Variants in UBL7 observed in about 807,000 individuals in gnomAD.
The protein encoded by UBL7 is ubiquitin like 7, also known as ubiquitin-like protein 7.
In UBL7, 21 loss-of-function variants were observed where a neutral mutation model predicts 41.7. The observed-to-expected ratio is 0.50, with a 90% CI of 0.36 to 0.73. The LOEUF is 0.73. UBL7 is among the 30% of genes least tolerant of loss of function. The pLI, the probability that UBL7 is intolerant of heterozygous loss-of-function variation, is 0.00. For missense variants in UBL7, 403 were observed against 478.4 expected, an observed-to-expected ratio of 0.84 and a Z score of 1.47; for synonymous variants, 157 against 186.9, an observed-to-expected ratio of 0.84 and a Z score of 1.31.
chr15:74,447,226 G>A (rs144422504), intron 10 of UBL7, among the ~76,000 whole-genome samples: 24 of 152,284 alleles, frequency 1.6e-4, no homozygotes, highest in South Asian at 1.0e-3. Context: ...GAACCCTATC[G>A]TTACGACTTC....
chr15:74,451,623 T>A, intron 4 of UBL7, 103 bp from the exon 5 acceptor site: 1 of 802,426 alleles, frequency 1.2e-6, no homozygotes, highest in Non-Finnish European at 2.1e-6. Flanking sequence ...TGCTTGCATG[T>A]ACATCACCAC....
At chr15:74,448,819 T>C (rs992651378) in intron 9 of UBL7, among the ~76,000 whole-genome samples, 5 of 152,160 alleles carry the variant, frequency 3.3e-5, no homozygotes, top group Admixed American at 2.0e-4. Flanking sequence ...TGTCCCAGCC[T>C]AGGACCCCAG....
At chr15:74,449,710 C>A in intron 7 of UBL7, 35 bp from the exon 8 acceptor site, 2 of 1,613,452 alleles carry the variant, frequency 1.2e-6, no homozygotes, top group Non-Finnish European at 1.7e-6. Flanking sequence ...GGAGGAAGAA[C>A]AGAAAGGCAC....
At chr15:74,451,714 A>T (rs189668077) in intron 4 of UBL7, among the ~76,000 whole-genome samples, 194 bp from the exon 5 acceptor site, 16 of 144,812 alleles carry the variant, frequency 1.1e-4, no homozygotes, top group Non-Finnish European at 2.1e-4. Context: ...CAAACAATTT[A>T]AAAAAAAAAA....
Position 74,446,233 on chromosome 15 carries a change from G to A in UBL7, c.1006-6C>T. On this transcript the variant is annotated splice_polypyrimidine_tract_variant and splice_region_variant and intron_variant, in intron 10 of 10. Coordinates refer to ENST00000395081, the MANE Select transcript of UBL7 (RefSeq NM_032907.5). The surrounding 1 kb of genome is among the most constrained non-coding windows in gnomAD (Gnocchi z 4.1). ...AGCTGGGGCTGCCACTGGCTCTGTG[G>A]AAAGATAGGAATGGGCAGAAGCTGT... 6.2e-7 allele frequency: 1 copy of A among 1,613,754 alleles called. No individual in the cohort carries two copies.
In UBL7 at chr15:74,448,533, A is replaced by T; in HGVS notation, c.950T>A (p.Leu317His). Residue 317 changes from leucine (L) to histidine (H), a missense_variant, in exon 10 of 11, where the codon CTC (leucine) becomes CAC (histidine). Coordinates refer to ENST00000395081, the MANE Select transcript of UBL7 (RefSeq NM_032907.5). ...VQSGTPITNDLFSQALQHALQ... is the reference protein window; with the variant it reads ...VQSGTPITNDHFSQALQHALQ... ...GGCATGCTGTAGGGCTTGGCTGAAGAGATCATTGGTGATGGGCGTCCCTGA... is the reference window on the plus strand; with the variant it reads ...GGCATGCTGTAGGGCTTGGCTGAAGTGATCATTGGTGATGGGCGTCCCTGA... 6.2e-7 allele frequency: 1 copy of T among 1,614,164 alleles called. No homozygotes were observed.
rs769005710 is a variant in UBL7 at position 74,448,600 on chromosome 15, C to G, written c.883G>C (p.Gly295Arg). 3 of 1,613,666 alleles carry G rather than the reference C, an allele frequency of 1.9e-6. No individual in the cohort carries two copies. Among genetic ancestry groups the G allele is most frequent in the South Asian group, 2.2e-5 (2 of 91,042 alleles). The change falls in exon 10 of 11, where the codon GGT becomes CGT. Residue 295 changes from glycine to arginine, a missense_variant and splice_region_variant. Transcript: ENST00000395081. ...ATTGGTGAGGTCCCTGAGGAATGACCCTAGAGACAAATTAGTGGTCAGTGC... is the reference window on the plus strand; with the variant it reads ...ATTGGTGAGGTCCCTGAGGAATGACGCTAGAGACAAATTAGTGGTCAGTGC... ...SSHTPTPGTQ[G>R]HSSGTSPMSS...
At position 74,446,299 on chromosome 15, in the gene UBL7, C is replaced by A; in HGVS notation, c.1006-72G>T. 6.3e-7 allele frequency: 1 copy of A among 1,576,462 alleles called. No homozygotes were observed. Among genetic ancestry groups the A allele is most frequent in the South Asian group, 1.2e-5 (1 of 86,478 alleles). ...GAAGACTCACTTAGGTCTGTGCTTTCCGGGGAAGGAAAGGAAGATGGGGGA... is the reference window on the plus strand; with the variant it reads ...GAAGACTCACTTAGGTCTGTGCTTTACGGGGAAGGAAAGGAAGATGGGGGA... On this transcript the variant is annotated intron_variant, in intron 10 of 10. Transcript: ENST00000395081. This position sits in a 1 kb window ranked among gnomAD's most constrained non-coding sequence, Gnocchi z 4.1.
chr15:74,452,808 T>A (rs2061262538), intron 3 of UBL7, among the ~76,000 whole-genome samples: 1 of 152,292 alleles, frequency 6.6e-6, no homozygotes, highest in East Asian at 1.9e-4. Flanking sequence ...ACCTCCCTGG[T>A]TGAAGCAACT....
chr15:74,451,644 T>C (rs1046048054), intron 4 of UBL7, 124 bp from the exon 5 acceptor site: 59 of 640,216 alleles, frequency 9.2e-5, no homozygotes, highest in African/African-American at 7.1e-4. Flanking sequence ...AATGGAACAA[T>C]AGCCCCAGAA....
Position 74,458,693 on chromosome 15 carries a change from C to T in UBL7, c.175G>A (p.Glu59Lys). ...GTCCAGAGAGACTCACCAATCAGCT[C>T]AGGGTCTGGAACAGACTCCTGGAGT... ...GKLQESVPDP[E>K]LIDLIYCGRK... Residue 59 changes from glutamate (E) to lysine (K), a missense_variant, in exon 2 of 11, where the codon GAG (glutamate) becomes AAG (lysine). Coordinates refer to ENST00000395081, the MANE Select transcript of UBL7 (RefSeq NM_032907.5). 6.2e-7 allele frequency: 1 copy of T among 1,613,416 alleles called. No homozygotes were observed. The highest frequency in any genetic ancestry group is 8.5e-7 in the Non-Finnish European group (1 of 1,179,536).
chr15:74,457,554 A>AATAT (rs139394877), intron 2 of UBL7, among the ~76,000 whole-genome samples: 2 of 147,190 alleles, frequency 1.4e-5, no homozygotes, highest in African/African-American at 5.1e-5. Context: ...AAAAAAAAGA[A>AATAT]ATATATATAT....
chr15:74,449,630 T>G lies in UBL7; in HGVS notation c.710A>C (p.His237Pro), dbSNP rs1596212799. 2 of 1,613,898 alleles carry G rather than the reference T, an allele frequency of 1.2e-6. No homozygotes were observed. Among genetic ancestry groups the G allele is most frequent in the Non-Finnish European group, 1.7e-6 (2 of 1,179,976 alleles). ...EGLSDDEDDF[H>P]PNTRSTPSSS... ...GCAGGCAGGCAGGCCACTTACTGGGTGAAAGTCATCCTCATCATCTGAGAG... is the reference window on the plus strand; with the variant it reads ...GCAGGCAGGCAGGCCACTTACTGGGGGAAAGTCATCCTCATCATCTGAGAG... Residue 237 changes from histidine to proline, a missense_variant, in exon 8 of 11, where the codon CAC (histidine) becomes CCC (proline). His to Pro is a moderately conservative substitution (Grantham distance 77). Coordinates refer to ENST00000395081, the MANE Select transcript of UBL7 (RefSeq NM_032907.5).
chr15:74,454,714 A>G (rs1298644625), intron 3 of UBL7, among the ~76,000 whole-genome samples: 1 of 152,182 alleles, frequency 6.6e-6, no homozygotes, highest in Non-Finnish European at 1.5e-5. Context: ...GACTTCTTAC[A>G]GGATTTTGGT....
intron 5 of UBL7, among the ~76,000 whole-genome samples, chr15:74,451,102 C>A (rs2061241685): frequency 6.6e-6 from 1 of 152,214 alleles, no homozygotes; most frequent in Non-Finnish European, 1.5e-5. Flanking sequence ...GACTGGGTAC[C>A]AAGACACCTG....
At chr15:74,460,845 T>C (rs1160349687) in intron 1 of UBL7, 192 bp downstream of exon 1, 7 of 1,207,230 alleles carry the variant, frequency 5.8e-6, no homozygotes, top group Non-Finnish European at 7.3e-6. Flanking sequence ...CCTCAAGGTA[T>C]CTTCCACCTC....
intron 3 of UBL7, among the ~76,000 whole-genome samples, chr15:74,455,318 A>G (rs1444333663): frequency 6.6e-6 from 1 of 152,246 alleles, no homozygotes; most frequent in Admixed American, 6.5e-5. Flanking sequence ...GGAGGCTTTT[A>G]AAACACACAT....
chr15:74,447,795 G>A (rs1240988597), intron 10 of UBL7, among the ~76,000 whole-genome samples: 1 of 152,122 alleles, frequency 6.6e-6, no homozygotes, highest in Non-Finnish European at 1.5e-5. Flanking sequence ...AGGTTGGCAT[G>A]CAAGCCCCTC....
At chr15:74,451,391 CT>C in intron 5 of UBL7, 44 bp downstream of exon 5, 1 of 1,542,212 alleles carries the variant, frequency 6.5e-7, no homozygotes, top group Non-Finnish European at 8.9e-7. Flanking sequence ...CTGTTTTCTC[CT>C]TTTCCGACAA....
Sources: allele counts gnomAD v4.1 joint callset (sites outside exome capture counted in the v4.1 genomes callset), GRCh38; gene constraint gnomAD v4.1.1; non-coding constraint Gnocchi (gnomAD v3.1); transcripts MANE v1.5; gene names NCBI Gene and HGNC (gene_info 2026-07-23, HGNC 2026-07-21).